GALNT13: variants seen among roughly 807,000 people sequenced by gnomAD.
The protein encoded by GALNT13 is UDP-GalNAc:polypeptide N-acetylgalactosaminyltransferase 13.
GALNT13 carries 28 observed loss-of-function variants against 64.2 expected under a neutral mutation model. The ratio of observed to expected loss-of-function variants is 0.44; its 90% CI spans 0.32 to 0.60. The LOEUF (loss-of-function observed/expected upper bound fraction) is 0.60, where lower values mean the gene tolerates loss of function less well. Among genes scored for constraint, GALNT13 ranks in the 20% least tolerant of loss-of-function variants. The pLI, the probability that GALNT13 is intolerant of heterozygous loss-of-function variation, is 0.05. For missense variants in GALNT13, 577 were observed against 669.8 expected (o/e 0.86, Z 1.53); for synonymous variants, 214 against 224.6 (o/e 0.95, Z 0.42).
intron 11 of GALNT13, among the ~76,000 whole-genome samples, chr2:154,430,932 T>C (rs1335443055): frequency 6.6e-6 from 1 of 152,186 alleles, no homozygotes; most frequent in East Asian, 1.9e-4. Context: ...GGAATATACA[T>C]TGTTTTTTGA....
At chr2:153,766,458 C>T in the GALNT13 span, among the ~76,000 whole-genome samples, 3 of 152,068 alleles carry the variant, frequency 2.0e-5, no homozygotes, top group African/African-American at 7.2e-5. Context: ...TTTTCTGGCC[C>T]TTTTATCCAT....
intron 8 of GALNT13, among the ~76,000 whole-genome samples, chr2:154,289,579 A>C (rs1268271297): frequency 6.6e-6 from 1 of 152,126 alleles, no homozygotes; most frequent in Non-Finnish European, 1.5e-5. Flanking sequence ...CACAGGAAAG[A>C]CCCACCCCCA....
intron 3 of GALNT13, among the ~76,000 whole-genome samples, chr2:153,946,599 C>T (rs552142140): frequency 2.4e-4 from 37 of 152,124 alleles, no homozygotes; most frequent in South Asian, 8.3e-4. Context: ...TCACTAACCT[C>T]ACTAGGCAGA....
the GALNT13 span, among the ~76,000 whole-genome samples, chr2:153,758,784 G>A: frequency 6.6e-6 from 1 of 151,988 alleles, no homozygotes; most frequent in Non-Finnish European, 1.5e-5. Context: ...GTAGAGTCAG[G>A]GTTTAATATG....
chr2:153,712,503 T>TA, the GALNT13 span, among the ~76,000 whole-genome samples: 3 of 151,994 alleles, frequency 2.0e-5, no homozygotes, highest in South Asian at 2.1e-4. Flanking sequence ...TTAGTTCATT[T>TA]AAAAAAAATG....
intron 2 of GALNT13, among the ~76,000 whole-genome samples, chr2:153,935,864 T>A (rs1403051846): frequency 6.6e-6 from 1 of 152,208 alleles, no homozygotes; most frequent in Admixed American, 6.5e-5. Flanking sequence ...CTTCCCCAGA[T>A]GTCAGTTATT....
At chr2:153,644,431 G>C in the GALNT13 span, among the ~76,000 whole-genome samples, 1 of 151,956 alleles carries the variant, frequency 6.6e-6, no homozygotes, top group South Asian at 2.1e-4. Flanking sequence ...TTAAGGGCTA[G>C]GTAGTGTAAG....
intron 2 of GALNT13, among the ~76,000 whole-genome samples, chr2:153,923,529 A>C (rs563159541): frequency 6.6e-6 from 1 of 151,946 alleles, no homozygotes; most frequent in Non-Finnish European, 1.5e-5. Context: ...TTAAATCTCA[A>C]TCATGGTTGT....
At chr2:153,092,408 T>G in the GALNT13 span, among the ~76,000 whole-genome samples, 367 of 152,322 alleles carry the variant, frequency 2.4e-3, no homozygotes, top group Non-Finnish European at 3.9e-3. Context: ...GGGATTACAT[T>G]GAGTCTGTAG....
chr2:153,247,749 C>T, the GALNT13 span, among the ~76,000 whole-genome samples: 1 of 152,084 alleles, frequency 6.6e-6, no homozygotes, highest in Non-Finnish European at 1.5e-5. Flanking sequence ...ACACAAAAAA[C>T]GCTTCAAAAA....
intron 7 of GALNT13, among the ~76,000 whole-genome samples, chr2:154,258,478 G>A (rs1038764059): frequency 2.9e-5 from 3 of 102,982 alleles, no homozygotes; most frequent in African/African-American, 6.9e-5. Flanking sequence ...ACAATTAGAT[G>A]TAAAGCCCTT....
At chr2:153,338,261 C>G in the GALNT13 span, among the ~76,000 whole-genome samples, 4 of 151,926 alleles carry the variant, frequency 2.6e-5, no homozygotes, top group South Asian at 4.2e-4. Context: ...TTACTGCACT[C>G]CAGCCTAGGT....
At chr2:153,986,872 T>TG (rs1428201841) in intron 3 of GALNT13, among the ~76,000 whole-genome samples, 4 of 151,844 alleles carry the variant, frequency 2.6e-5, no homozygotes, top group African/African-American at 9.7e-5. Context: ...TGAAGTACAG[T>TG]GGGAAGCCAC....
intron 3 of GALNT13, among the ~76,000 whole-genome samples, chr2:154,085,889 C>T (rs764984664): frequency 6.6e-5 from 10 of 151,560 alleles, no homozygotes; most frequent in Admixed American, 4.6e-4. Context: ...CAGAGTGGGG[C>T]TCCATCTCTA....
chr2:153,722,840 A>C, the GALNT13 span, among the ~76,000 whole-genome samples: 1 of 151,308 alleles, frequency 6.6e-6, no homozygotes, highest in Non-Finnish European at 1.5e-5. Context: ...AGAGTCCAGG[A>C]CCAGATGGAT....
the GALNT13 span, among the ~76,000 whole-genome samples, chr2:153,369,170 G>A: frequency 2.6e-5 from 4 of 151,992 alleles, no homozygotes; most frequent in Non-Finnish European, 5.9e-5. Context: ...CCTAATAGCA[G>A]TTCTTAGAAA....
chr2:153,153,663 C>CT, the GALNT13 span, among the ~76,000 whole-genome samples: 42,969 of 129,610 alleles, frequency 0.33, 7,439 homozygotes, highest in East Asian at 0.61. Flanking sequence ...TTCCCCATTG[C>CT]TTTTTTTTTT....
chr2:153,974,599 G>A (rs1693958549), intron 3 of GALNT13, among the ~76,000 whole-genome samples: 1 of 152,014 alleles, frequency 6.6e-6, no homozygotes, highest in Admixed American at 6.6e-5. Flanking sequence ...AACCTATAGA[G>A]TAGGCTAATA....
chr2:153,210,616 T>A, the GALNT13 span, among the ~76,000 whole-genome samples: 1 of 151,864 alleles, frequency 6.6e-6, no homozygotes, highest in East Asian at 1.9e-4. Flanking sequence ...GGTAATTTTT[T>A]TGTGCATAAA....
Sources: allele counts gnomAD v4.1 joint callset (sites outside exome capture counted in the v4.1 genomes callset), GRCh38; gene constraint gnomAD v4.1.1; transcripts MANE v1.5; gene names NCBI Gene and HGNC (gene_info 2026-07-23, HGNC 2026-07-21).